EPC2: variants seen among roughly 807,000 people sequenced by gnomAD.
EPC2 encodes the protein enhancer of polycomb 2.
In EPC2, 14 loss-of-function variants were observed where a neutral mutation model predicts 92.1. That is an observed-to-expected ratio of 0.15 (90% CI 0.10 to 0.24). The LOEUF (loss-of-function observed/expected upper bound fraction) is 0.24. EPC2 is among the 10% of genes least tolerant of loss of function. EPC2 has a pLI of 1.00. For synonymous variants in EPC2, 340 were observed against 334.7 expected, an observed-to-expected ratio of 1.02 and a Z score of -0.17; for missense variants, 755 against 971.5, an observed-to-expected ratio of 0.78 and a Z score of 2.96.
At chr2:148,717,243 G>T (rs1682280481) in intron 2 of EPC2, among the ~76,000 whole-genome samples, 1 of 122,380 alleles carries the variant, frequency 8.2e-6, no homozygotes, top group Non-Finnish European at 1.6e-5. Flanking sequence ...TGTCTACTTC[G>T]ATTCAGCTCT....
Position 148,783,772 on chromosome 2 carries a change from C to A in EPC2, c.2017+16C>A. On this transcript the variant is annotated intron_variant, in intron 12 of 13. Coordinates refer to ENST00000258484, the MANE Select transcript of EPC2 (RefSeq NM_015630.4). ...CAGCCTTCAGGTACAGCTGGGGTTT[C>A]ACATGGTACCTACTTTCTTGAAGTT... is the stretch of plus-strand genomic sequence containing the variant. 1 of 1,576,614 alleles carries A rather than the reference C, an allele frequency of 6.3e-7. No homozygotes were observed. Among genetic ancestry groups the A allele is most frequent in the Non-Finnish European group, 8.6e-7 (1 of 1,159,146 alleles).
intron 12 of EPC2, 61 bp downstream of exon 12, chr2:148,783,817 TTTG>T: frequency 6.7e-7 from 1 of 1,487,486 alleles, no homozygotes; most frequent in South Asian, 1.3e-5. Flanking sequence ...TGATTGGGAG[TTTG>T]TTTTTTGTTT....
rs985112177 is a variant in EPC2 at position 148,762,582 on chromosome 2, G to T, written c.816-88G>T. 4.4e-6 allele frequency: 4 copies of T among 911,362 alleles called. No individual in the cohort carries two copies. In the African/African-American group the frequency reaches 6.7e-5, roughly 15 times the overall value. 56.5% of individuals were successfully genotyped at this position (911,362 alleles called of 1,614,324 possible). On this transcript the variant is annotated intron_variant, in intron 5 of 13. Transcript: ENST00000258484. ...GATTGTTAGCCCTTTTTGACTAGGT[G>T]ACTTCCAATTAATTGAGGTATCACT...
intron 2 of EPC2, among the ~76,000 whole-genome samples, chr2:148,706,667 G>A (rs1682006777): frequency 6.6e-6 from 1 of 152,198 alleles, no homozygotes; most frequent in East Asian, 1.9e-4. Flanking sequence ...AATCCTACAA[G>A]CCAGAAGAGA....
chr2:148,676,825 AGT>A (rs1681273909), intron 1 of EPC2, among the ~76,000 whole-genome samples: 1 of 148,738 alleles, frequency 6.7e-6, no homozygotes, highest in Non-Finnish European at 1.5e-5. Flanking sequence ...TCTTATAAAC[AGT>A]GCCATGATGA....
At chr2:148,695,842 G>T (rs935643540) in intron 2 of EPC2, among the ~76,000 whole-genome samples, 15 of 152,178 alleles carry the variant, frequency 9.9e-5, no homozygotes, top group African/African-American at 3.6e-4. Flanking sequence ...AATAAATAAA[G>T]ACTGGTAAAA....
At chr2:148,762,405 A>G (rs1236533204) in intron 5 of EPC2, among the ~76,000 whole-genome samples, 1 of 152,092 alleles carries the variant, frequency 6.6e-6, no homozygotes. Flanking sequence ...TGGAGTAAGC[A>G]TTCTAAACAT....
chr2:148,663,199 A>T (rs200718823), intron 1 of EPC2, among the ~76,000 whole-genome samples: 1 of 126,748 alleles, frequency 7.9e-6, no homozygotes, highest in Non-Finnish European at 1.6e-5. Context: ...TTTTTGTATT[A>T]TTATTATTAT....
intron 1 of EPC2, among the ~76,000 whole-genome samples, chr2:148,685,509 C>A (rs1681498257): frequency 6.6e-6 from 1 of 152,130 alleles, no homozygotes; most frequent in Admixed American, 6.5e-5. Flanking sequence ...GCCTGTAATC[C>A]CAGCACTTTG....
chr2:148,709,968 A>G (rs918705671), intron 2 of EPC2, among the ~76,000 whole-genome samples: 8 of 152,268 alleles, frequency 5.3e-5, no homozygotes, highest in African/African-American at 1.9e-4. Context: ...CACCAAAAGC[A>G]ATGGCAAAAA....
chr2:148,718,959 A>G (rs34977087), intron 2 of EPC2, among the ~76,000 whole-genome samples: 33,959 of 151,482 alleles, frequency 0.22, 4,593 homozygotes, highest in East Asian at 0.51. Context: ...TTTCTCTAGT[A>G]TTGTCTGCTT....
At chr2:148,698,841 T>TTTA (rs1553445167) in intron 2 of EPC2, among the ~76,000 whole-genome samples, 78 of 147,920 alleles carry the variant, frequency 5.3e-4, no homozygotes, top group African/African-American at 1.5e-3. Context: ...TTTTTTTTTT[T>TTTA]AAAAAAAAAG....
At chr2:148,757,145 G>C (rs1379851123) in intron 4 of EPC2, among the ~76,000 whole-genome samples, 2 of 152,190 alleles carry the variant, frequency 1.3e-5, no homozygotes, top group Admixed American at 1.3e-4. Flanking sequence ...CGGAGACTGA[G>C]GCGGGCGAAT....
intron 1 of EPC2, among the ~76,000 whole-genome samples, chr2:148,648,566 G>T (rs530958733): frequency 2.9e-4 from 44 of 152,258 alleles, no homozygotes; most frequent in African/African-American, 7.9e-4. Context: ...TTGTTGCTGG[G>T]TGTCTCTGAA....
chr2:148,721,891 T>TTTTC (rs1682385785), intron 2 of EPC2, among the ~76,000 whole-genome samples: 1 of 9,898 alleles, frequency 1.0e-4, no homozygotes, highest in Non-Finnish European at 3.5e-3. Context: ...TTTTGATTTC[T>TTTTC]TTTTTTTTTT....
rs70995334 is a variant in EPC2, at chr2:148,775,775, C to CTTTT, written c.1720+4405_1720+4408dup. Among the ~76,000 whole-genome samples the CTTTT allele has an allele frequency of 1.0e-3, 94 of 92,300 alleles. 6 individuals carry two copies. Among genetic ancestry groups the CTTTT allele is most frequent in the African/African-American group, 2.8e-3 (62 of 21,850 alleles). 60.6% of individuals were successfully genotyped at this position (92,300 alleles called of 152,430 possible). On this transcript the variant is annotated intron_variant, in intron 10 of 13. Coordinates refer to ENST00000258484, the MANE Select transcript of EPC2 (RefSeq NM_015630.4). ...TAAAGAAATATTACCAATTTCTTTT[C>CTTTT]TTTTTTTTTTTTTTTTTTTTGAGAT...
rs1255986443 is a variant in EPC2, at chr2:148,784,858, C to T, written c.2208C>T (p.Val736=). ...CAAATGCAGTGCACCTCAATAATGT[C>T]AGTGTTGTTTCTCCAGTCAATGTGC... ...CLTNAVHLNN[V]SVVSPVNVHI... The change falls in exon 13 of 14, where the codon GTC becomes GTT. Residue 736 remains valine, a synonymous_variant. Transcript: ENST00000258484. 6.2e-7 allele frequency: 1 copy of T among 1,613,442 alleles called. No homozygotes were observed. Among genetic ancestry groups the T allele is most frequent in the South Asian group, 1.1e-5 (1 of 90,996 alleles).
intron 2 of EPC2, among the ~76,000 whole-genome samples, chr2:148,724,475 AT>A (rs1414940564): frequency 5.9e-5 from 9 of 151,970 alleles, no homozygotes; most frequent in South Asian, 2.1e-4. Context: ...TAACAAATTA[AT>A]TTTTTTTAAA....
intron 1 of EPC2, among the ~76,000 whole-genome samples, chr2:148,657,994 T>C (rs1197266791): frequency 1.3e-5 from 2 of 152,142 alleles, no homozygotes; most frequent in East Asian, 3.8e-4. Context: ...ATAGTTATGT[T>C]CTGTTATGTT....
Sources: allele counts gnomAD v4.1 joint callset (sites outside exome capture counted in the v4.1 genomes callset), GRCh38; gene constraint gnomAD v4.1.1; transcripts MANE v1.5; gene names NCBI Gene and HGNC (gene_info 2026-07-23, HGNC 2026-07-21).